Variants in PATJ observed in about 807,000 individuals in gnomAD.
PATJ encodes the protein PATJ crumbs cell polarity complex component, also known as inaD-like protein.
PATJ carries 190 observed loss-of-function variants against 224.9 expected under a neutral mutation model. The observed-to-expected ratio is 0.84, with a 90% CI of 0.75 to 0.95. The LOEUF (loss-of-function observed/expected upper bound fraction) is 0.95. Ranked by LOEUF, PATJ falls within the 40% of genes least tolerant of loss-of-function variation. The pLI, the probability that PATJ is intolerant of heterozygous loss-of-function variation, is 0.00. For synonymous variants in PATJ, 769 were observed against 820.3 expected (o/e 0.94, Z 1.07); for missense variants, 2,121 against 2,270.3 (o/e 0.93, Z 1.34).
chr1:61,843,724 A>C (rs1022796717), intron 17 of PATJ, among the ~76,000 whole-genome samples: 1 of 151,988 alleles, frequency 6.6e-6, no homozygotes, highest in Non-Finnish European at 1.5e-5. Flanking sequence ...GGTCTCAAAA[A>C]AAAAAAAAAA....
rs1426086840 is a variant in PATJ at position 61,990,381 on chromosome 1, T to C, written c.3867+17T>C. ...CTCTTAGAGGTGAGAAGCATGTGTT[T>C]TTAACTTATCTTTTGGTGAAGTGGA... is the stretch of plus-strand genomic sequence containing the variant. On this transcript the variant is annotated intron_variant, in intron 28 of 43. Coordinates refer to ENST00000642238, the MANE Select transcript of PATJ (RefSeq NM_001350145.3). The C allele has an allele frequency of 6.3e-7, 1 of 1,585,850 alleles. No homozygotes were observed. The highest frequency in any genetic ancestry group is 1.8e-5 in the Admixed American group (1 of 56,062).
chr1:61,795,598 A>T (rs1650919840), intron 10 of PATJ, 40 bp downstream of exon 10: 1 of 1,197,822 alleles, frequency 8.3e-7, no homozygotes, highest in Non-Finnish European at 1.2e-6. Flanking sequence ...ATTCTAGTTG[A>T]AAAAAAGGTT....
At chr1:61,884,070 A>AC (rs1668467847) in intron 21 of PATJ, among the ~76,000 whole-genome samples, 167 bp from the exon 22 acceptor site, 1 of 152,082 alleles carries the variant, frequency 6.6e-6, no homozygotes, top group Non-Finnish European at 1.5e-5. Flanking sequence ...TCACCATTGT[A>AC]CCTATCATCA....
intron 29 of PATJ, among the ~76,000 whole-genome samples, chr1:62,027,997 T>C (rs1227226153): frequency 6.6e-6 from 1 of 152,160 alleles, no homozygotes; most frequent in East Asian, 1.9e-4. Context: ...TGATGTCCAA[T>C]TTATCTAATT....
At chr1:61,901,238 T>C in intron 23 of PATJ, 44 bp from the exon 24 acceptor site, 8 of 1,307,830 alleles carry the variant, frequency 6.1e-6, no homozygotes, top group Non-Finnish European at 8.2e-6. Context: ...GTCCAACAGA[T>C]TAAACTTGTT....
At chr1:61,942,717 A>G (rs1678001384) in intron 27 of PATJ, among the ~76,000 whole-genome samples, 1 of 151,804 alleles carries the variant, frequency 6.6e-6, no homozygotes, top group Admixed American at 6.6e-5. Flanking sequence ...CACCCAGCTA[A>G]TTTGTGTATT....
At chr1:61,998,292 C>T (rs533518870) in intron 28 of PATJ, among the ~76,000 whole-genome samples, 1 of 151,714 alleles carries the variant, frequency 6.6e-6, no homozygotes, top group Admixed American at 6.6e-5. Context: ...CCATGTTGGC[C>T]AGGCTGGTCT....
At chr1:61,920,074 T>C (rs1674064060) in intron 26 of PATJ, among the ~76,000 whole-genome samples, 1 of 152,206 alleles carries the variant, frequency 6.6e-6, no homozygotes, top group South Asian at 2.1e-4. Flanking sequence ...GATACTAAAA[T>C]TAGTCTGTTT....
intron 31 of PATJ, chr1:62,078,804 A>G (rs888597642): frequency 1.3e-5 from 2 of 150,360 alleles, no homozygotes; most frequent in Non-Finnish European, 3.0e-5. Context: ...AGTCCCTACT[A>G]TGTTCCAGGC....
At position 62,116,615 on chromosome 1, in the gene PATJ, T is replaced by A; in HGVS notation, c.4739T>A (p.Ile1580Asn). The change falls in exon 36 of 44, where the codon ATC (isoleucine) becomes AAC (asparagine). Residue 1580 changes from isoleucine (I) to asparagine (N), a missense_variant. Transcript: ENST00000642238. Reference protein sequence around the residue: ...LDGRLIQGDQILSVNGEDMRN... With the variant: ...LDGRLIQGDQNLSVNGEDMRN... ...GGGAGATTGATTCAGGGAGATCAGA[T>A]CTTATCTGTGAATGGGGAGGACATG... The A allele has an allele frequency of 6.2e-7, 1 of 1,613,996 alleles. No homozygotes were observed.
intron 33 of PATJ, among the ~76,000 whole-genome samples, chr1:62,091,576 C>T (rs373501803): frequency 1.3e-5 from 2 of 152,126 alleles, no homozygotes; most frequent in East Asian, 3.8e-4. Context: ...TGAAATGTGG[C>T]TTTGTTCCTA....
chr1:62,130,964 T>C (rs1338423288), intron 41 of PATJ, among the ~76,000 whole-genome samples: 1 of 152,224 alleles, frequency 6.6e-6, no homozygotes, highest in African/African-American at 2.4e-5. Flanking sequence ...GCTTTCAGTA[T>C]GTATGAGGGG....
At chr1:62,115,947 C>G (rs975442128) in intron 35 of PATJ, among the ~76,000 whole-genome samples, 2 of 152,114 alleles carry the variant, frequency 1.3e-5, no homozygotes, top group Non-Finnish European at 2.9e-5. Flanking sequence ...GAGTCTCTTA[C>G]ATTTCTAAAC....
intron 17 of PATJ, among the ~76,000 whole-genome samples, chr1:61,847,513 A>G (rs563419049): frequency 6.6e-6 from 1 of 152,316 alleles, no homozygotes; most frequent in South Asian, 2.1e-4. Flanking sequence ...AGTTTAATCT[A>G]TCTTGAGTGG....
intron 31 of PATJ, among the ~76,000 whole-genome samples, chr1:62,057,157 A>G (rs1384000948): frequency 6.6e-6 from 1 of 152,162 alleles, no homozygotes; most frequent in Non-Finnish European, 1.5e-5. Context: ...AAAGCTAAGA[A>G]CTAGAGTTGC....
intron 29 of PATJ, among the ~76,000 whole-genome samples, chr1:62,028,860 G>A (rs1041423050): frequency 6.6e-6 from 1 of 152,146 alleles, no homozygotes; most frequent in Non-Finnish European, 1.5e-5. Context: ...AGGCTGAGGT[G>A]GGAGGTTCGC....
In PATJ at chr1:61,864,412, G is replaced by T; in HGVS notation, c.2614G>T (p.Val872Phe). 1.2e-6 allele frequency: 2 copies of T among 1,613,776 alleles called. No individual in the cohort carries two copies. ...AATGGATGAAGAAAGAGAAATTCTT[G>T]TTGATGAAGAATATGAGTTATATCA... ...QEMDEEREILVDEEYELYQDP... is the reference protein window; with the variant it reads ...QEMDEEREILFDEEYELYQDP... Residue 872 changes from valine (V) to phenylalanine (F), a missense_variant, in exon 20 of 44, where the codon GTT (valine) becomes TTT (phenylalanine). Transcript: ENST00000642238.
At chr1:61,795,119 A>AAG (rs1224586106) in intron 9 of PATJ, among the ~76,000 whole-genome samples, 2 of 151,356 alleles carry the variant, frequency 1.3e-5, no homozygotes, top group African/African-American at 4.9e-5. Flanking sequence ...AAAAAAAAAA[A>AAG]AAAGAAGTTT....
At chr1:62,138,339 A>G (rs1479397066) in intron 41 of PATJ, among the ~76,000 whole-genome samples, 1 of 151,794 alleles carries the variant, frequency 6.6e-6, no homozygotes, top group Non-Finnish European at 1.5e-5. Flanking sequence ...ACAGAGTCTC[A>G]CTCTGTCACC....
Sources: gnomAD v4.1 joint callset for allele counts (sites outside exome capture counted in the v4.1 genomes callset) on GRCh38, gnomAD v4.1.1 for gene constraint, MANE v1.5 for transcripts, NCBI Gene and HGNC (gene_info 2026-07-23, HGNC 2026-07-21) for gene names.